Variants in ZC3H12B observed in about 807,000 individuals in gnomAD.
ZC3H12B encodes the protein probable ribonuclease ZC3H12B.
Under a neutral mutation model 43.9 loss-of-function variants are expected in ZC3H12B, and 7 were observed. That is an observed-to-expected ratio of 0.16 (90% CI 0.09 to 0.30). The LOEUF (loss-of-function observed/expected upper bound fraction) is 0.30. Among genes scored for constraint, ZC3H12B ranks in the 10% least tolerant of loss-of-function variants. The pLI, the probability that ZC3H12B is intolerant of heterozygous loss-of-function variation, is 1.00. For missense variants in ZC3H12B, 475 were observed against 670.2 expected (o/e 0.71, Z 3.22); for synonymous variants, 222 against 241.7 (o/e 0.92, Z 0.76).
the ZC3H12B span, among the ~76,000 whole-genome samples, chrX:65,351,272 C>A: frequency 9.0e-6 from 1 of 111,583 alleles, no homozygotes; most frequent in African/African-American, 3.3e-5. Context: ...TAGCCATATG[C>A]AGAAAACTGA....
the ZC3H12B span, among the ~76,000 whole-genome samples, chrX:65,348,391 A>T: frequency 6.1e-3 from 679 of 111,828 alleles, 4 homozygotes; most frequent in African/African-American, 0.021. Context: ...AACAGCCAGT[A>T]CCAGCCACTC....
the ZC3H12B span, among the ~76,000 whole-genome samples, chrX:65,109,202 T>C: frequency 8.9e-6 from 1 of 111,819 alleles, no homozygotes; most frequent in Non-Finnish European, 1.9e-5. Context: ...TTTACTGAGA[T>C]ATAATTTATA....
At chrX:65,315,654 G>GA in the ZC3H12B span, among the ~76,000 whole-genome samples, 1 of 111,142 alleles carries the variant, frequency 9.0e-6, no homozygotes, top group Non-Finnish European at 1.9e-5. Context: ...AAAACCAAAA[G>GA]AAAAAAATCC....
the ZC3H12B span, among the ~76,000 whole-genome samples, chrX:65,170,355 A>G: frequency 9.8e-5 from 11 of 111,888 alleles, no homozygotes; most frequent in Non-Finnish European, 1.9e-4. Context: ...ATTGTTGAAT[A>G]TTTGCCCCCA....
Position 65,373,603 on chromosome X carries a change from A to C in ZC3H12B, n.295+4605A>C, listed in dbSNP as rs749365249. Reference sequence around the variant, plus strand: ...CATGTCCTTTGTAGGGACATGGATGAAGCTGGAAACCATCATTCTCAGCAA... The same window carrying C: ...CATGTCCTTTGTAGGGACATGGATGCAGCTGGAAACCATCATTCTCAGCAA... On this transcript the variant is annotated intron_variant and non_coding_transcript_variant, in intron 2 of 5. Coordinates refer to the ZC3H12B transcript ENST00000617377. 3.0e-3 allele frequency among the ~76,000 whole-genome samples: 318 copies of C among 107,053 alleles called. 1 individual carries two copies. Among genetic ancestry groups the C allele is most frequent in the African/African-American group, 0.01 (306 of 29,319 alleles). The allele number at this position is 107,053 out of a possible 115,157, so 93.0% of individuals were successfully genotyped here.
the ZC3H12B span, among the ~76,000 whole-genome samples, chrX:65,096,635 G>A: frequency 3.6e-5 from 4 of 111,367 alleles, no homozygotes; most frequent in Non-Finnish European, 7.5e-5. Context: ...TGAAGAAAAT[G>A]GGGCAGAGAA....
At chrX:65,175,915 G>A in the ZC3H12B span, among the ~76,000 whole-genome samples, 4 of 112,231 alleles carry the variant, frequency 3.6e-5, no homozygotes, top group African/African-American at 3.2e-5. Flanking sequence ...ATTCCCACAG[G>A]TGCCTACACC....
the ZC3H12B span, among the ~76,000 whole-genome samples, chrX:65,274,336 A>G: frequency 1.8e-5 from 2 of 110,930 alleles, no homozygotes; most frequent in Admixed American, 1.9e-4. Context: ...GCAGCAGCTC[A>G]GCACCATTTT....
the ZC3H12B span, among the ~76,000 whole-genome samples, chrX:65,247,895 TG>T: frequency 8.9e-6 from 1 of 112,201 alleles, no homozygotes; most frequent in African/African-American, 3.2e-5. Context: ...GTTTAAAAAG[TG>T]TTTAGTGTAC....
At chrX:65,062,476 G>A in the ZC3H12B span, among the ~76,000 whole-genome samples, 12 of 111,556 alleles carry the variant, frequency 1.1e-4, no homozygotes, top group Non-Finnish European at 2.3e-4. Context: ...TTGTAGATGT[G>A]TGGTGTTATT....
chrX:65,042,542 A>T, the ZC3H12B span, among the ~76,000 whole-genome samples: 1 of 112,621 alleles, frequency 8.9e-6, no homozygotes, highest in African/African-American at 3.2e-5. Flanking sequence ...TATGGAATAC[A>T]ATAACTTGGC....
chrX:65,502,150 A>C (rs761401769), exon 5 of ZC3H12B: 2 of 1,209,793 alleles, frequency 1.7e-6, no homozygotes, highest in South Asian at 3.5e-5. Flanking sequence ...CAGTGGGTGC[A>C]CTCAACACCC....
At chrX:65,414,310 T>C (rs2066936260) in intron 3 of ZC3H12B, among the ~76,000 whole-genome samples, 1 of 110,953 alleles carries the variant, frequency 9.0e-6, no homozygotes, top group South Asian at 3.8e-4. Context: ...ATATTAATTC[T>C]TCTTTAGATG....
At chrX:65,102,626 C>A in the ZC3H12B span, among the ~76,000 whole-genome samples, 1 of 111,890 alleles carries the variant, frequency 8.9e-6, no homozygotes, top group East Asian at 2.8e-4. Flanking sequence ...TGAGTGAACT[C>A]CCATTCACAA....
In ZC3H12B at chrX:65,397,935, G is replaced by C. The variant is rs1012729903; in HGVS notation, n.296-658G>C. ...ACTGATAAACAAATTTAATAAATTT[G>C]CAGGATACAAATTTAACATTAAAAA... is the stretch of plus-strand genomic sequence containing the variant. On this transcript the variant is annotated intron_variant and non_coding_transcript_variant, in intron 2 of 5. Transcript: ENST00000617377. Among the ~76,000 whole-genome samples the C allele has an allele frequency of 1.7e-4, 19 of 111,954 alleles. No homozygotes were observed. In the Admixed American group the frequency reaches 1.7e-3, roughly 10 times the overall value.
the ZC3H12B span, among the ~76,000 whole-genome samples, chrX:65,239,764 G>T: frequency 1.8e-5 from 2 of 112,212 alleles, no homozygotes; most frequent in Non-Finnish European, 3.8e-5. Context: ...TTGCAGGCTT[G>T]CCTGGTAGTG....
At chrX:65,404,330 C>A (rs1289442996) in intron 3 of ZC3H12B, among the ~76,000 whole-genome samples, 1 of 102,747 alleles carries the variant, frequency 9.7e-6, no homozygotes, top group Non-Finnish European at 1.9e-5. Context: ...CGCCAAAAAA[C>A]AAATAACAAA....
At chrX:65,336,578 G>A in the ZC3H12B span, among the ~76,000 whole-genome samples, 1 of 112,173 alleles carries the variant, frequency 8.9e-6, no homozygotes, top group Non-Finnish European at 1.9e-5. Context: ...TATTCGAAGT[G>A]GATTGAAGGA....
chrX:65,383,598 C>A (rs2066476184), intron 2 of ZC3H12B, among the ~76,000 whole-genome samples: 1 of 111,175 alleles, frequency 9.0e-6, no homozygotes, highest in Non-Finnish European at 1.9e-5. Flanking sequence ...CCAAAATTGA[C>A]AAATGGGATC....
Sources: gnomAD v4.1 joint callset for allele counts (sites outside exome capture counted in the v4.1 genomes callset) on GRCh38, gnomAD v4.1.1 for gene constraint, MANE v1.5 for transcripts, NCBI Gene and HGNC (gene_info 2026-07-23, HGNC 2026-07-21) for gene names.